Variants in NRXN3 observed in about 807,000 individuals in gnomAD.
NRXN3 encodes the protein neurexin III.
Under a neutral mutation model 137.6 loss-of-function variants are expected in NRXN3, and 32 were observed. The ratio of observed to expected loss-of-function variants is 0.23; its 90% CI spans 0.18 to 0.31. The LOEUF (loss-of-function observed/expected upper bound fraction) is 0.31. Among genes scored for constraint, NRXN3 ranks in the 10% least tolerant of loss-of-function variants. The pLI is 1.00. For missense variants in NRXN3, 1,574 were observed against 2,062.5 expected (o/e 0.76, Z 4.59); for synonymous variants, 798 against 784.5 (o/e 1.02, Z -0.29).
chr14:79,008,722 A>G (rs2099562061), intron 15 of NRXN3, among the ~76,000 whole-genome samples: 1 of 142,240 alleles, frequency 7.0e-6, no homozygotes, highest in Non-Finnish European at 1.5e-5. Flanking sequence ...GAAGTGATGT[A>G]ATCTCAGCTT....
At chr14:78,733,682 G>A (rs1486821990) in intron 8 of NRXN3, among the ~76,000 whole-genome samples, 1 of 152,176 alleles carries the variant, frequency 6.6e-6, no homozygotes, top group Non-Finnish European at 1.5e-5. Context: ...GAGAGTAAGT[G>A]TGCAGGAAAG....
intron 4 of NRXN3, among the ~76,000 whole-genome samples, chr14:78,507,752 T>G (rs903038817): frequency 3.9e-5 from 6 of 152,182 alleles, no homozygotes; most frequent in Non-Finnish European, 5.9e-5. Context: ...GTCTGTCCAC[T>G]GATATATTAA....
chr14:79,314,543 C>G (rs531777053), intron 15 of NRXN3, among the ~76,000 whole-genome samples: 5 of 43,826 alleles, frequency 1.1e-4, no homozygotes, highest in Admixed American at 6.3e-4. Context: ...CCGGGAAGCT[C>G]GAACTGGGTG....
chr14:79,181,437 C>A (rs964524298), intron 15 of NRXN3, among the ~76,000 whole-genome samples: 1 of 152,056 alleles, frequency 6.6e-6, no homozygotes, highest in Non-Finnish European at 1.5e-5. Context: ...AATCCCAGCA[C>A]TTTGGGAGGC....
intron 16 of NRXN3, among the ~76,000 whole-genome samples, chr14:79,647,074 T>C (rs2098456164): frequency 7.4e-6 from 1 of 135,838 alleles, no homozygotes; most frequent in Non-Finnish European, 1.7e-5. Flanking sequence ...TGCTGGTCCT[T>C]TCATCTATGT....
intron 4 of NRXN3, among the ~76,000 whole-genome samples, chr14:78,354,248 C>A (rs1415740026): frequency 6.6e-6 from 1 of 152,188 alleles, no homozygotes; most frequent in African/African-American, 2.4e-5. Flanking sequence ...GGCATAGTAT[C>A]ACATCCATTG....
intron 16 of NRXN3, among the ~76,000 whole-genome samples, chr14:79,567,310 T>A (rs1192990293): frequency 6.6e-6 from 1 of 152,046 alleles, no homozygotes; most frequent in East Asian, 1.9e-4. Flanking sequence ...ACGTATTTTG[T>A]ATTTATGCAA....
intron 15 of NRXN3, among the ~76,000 whole-genome samples, chr14:79,385,210 C>CCCCCCCCCCCCCT (rs374801208): frequency 8.9e-6 from 1 of 112,318 alleles, no homozygotes; most frequent in Non-Finnish European, 1.9e-5. Flanking sequence ...TCCTTCCCCC[C>CCCCCCCCCCCCCT]GCCCCCACCC....
chr14:78,665,177 A>G (rs1201312839), intron 6 of NRXN3, among the ~76,000 whole-genome samples: 1 of 152,228 alleles, frequency 6.6e-6, no homozygotes, highest in Non-Finnish European at 1.5e-5. Flanking sequence ...CATGAAGGAA[A>G]TGAAAGAGAA....
intron 19 of NRXN3, among the ~76,000 whole-genome samples, chr14:79,800,868 C>T (rs1368428794): frequency 2.0e-5 from 3 of 152,206 alleles, no homozygotes; most frequent in South Asian, 2.1e-4. Context: ...TCTTAAGCCG[C>T]TCATATCATC....
At chr14:78,204,398 G>A (rs2061988624) in intron 1 of NRXN3, among the ~76,000 whole-genome samples, 1 of 151,652 alleles carries the variant, frequency 6.6e-6, no homozygotes, top group African/African-American at 2.4e-5. Flanking sequence ...TCCTTTGTCA[G>A]CGTAATGCAG....
intron 10 of NRXN3, among the ~76,000 whole-genome samples, chr14:78,920,143 G>T (rs1216132969): frequency 6.6e-6 from 1 of 152,106 alleles, no homozygotes; most frequent in African/African-American, 2.4e-5. Context: ...GGTGTACCTG[G>T]AGCTCTGTCT....
At chr14:78,449,282 G>C (rs527695844) in intron 4 of NRXN3, among the ~76,000 whole-genome samples, 6 of 152,146 alleles carry the variant, frequency 3.9e-5, no homozygotes, top group African/African-American at 1.4e-4. Context: ...GCGCGATCTT[G>C]GCTCACCGTA....
At chr14:78,929,191 G>A (rs2099314713) in intron 10 of NRXN3, among the ~76,000 whole-genome samples, 1 of 151,994 alleles carries the variant, frequency 6.6e-6, no homozygotes, top group African/African-American at 2.4e-5. Flanking sequence ...TGTAGATTCT[G>A]GATATTAGCC....
chr14:78,845,536 T>A (rs1379192143), intron 10 of NRXN3, among the ~76,000 whole-genome samples: 2 of 152,054 alleles, frequency 1.3e-5, no homozygotes, highest in Non-Finnish European at 2.9e-5. Flanking sequence ...CCCCACTGAC[T>A]TCTGCTCCTC....
intron 16 of NRXN3, among the ~76,000 whole-genome samples, chr14:79,521,382 C>T (rs2097062531): frequency 6.6e-6 from 1 of 152,132 alleles, no homozygotes; most frequent in Non-Finnish European, 1.5e-5. Context: ...CAGAGCTTCT[C>T]ATCCAATATA....
intron 8 of NRXN3, among the ~76,000 whole-genome samples, chr14:78,744,193 G>A (rs1028669209): frequency 4.6e-5 from 7 of 152,170 alleles, no homozygotes; most frequent in African/African-American, 1.7e-4. Context: ...CTAGGCTGGA[G>A]TGCAGTGACG....
chr14:78,630,609 T>TTTTTG (rs907028635), intron 4 of NRXN3, among the ~76,000 whole-genome samples: 7 of 150,538 alleles, frequency 4.6e-5, no homozygotes. Context: ...TTTTTTTTTT[T>TTTTTG]TTTTGTTGTT....
chr14:78,590,015 TGCC>T (rs2097102542), intron 4 of NRXN3, among the ~76,000 whole-genome samples: 1 of 152,156 alleles, frequency 6.6e-6, no homozygotes, highest in South Asian at 2.1e-4. Context: ...TGGCAACTGC[TGCC>T]AAGTGTCTCA....
Sources: gnomAD v4.1 joint callset for allele counts (sites outside exome capture counted in the v4.1 genomes callset) on GRCh38, gnomAD v4.1.1 for gene constraint, MANE v1.5 for transcripts, NCBI Gene and HGNC (gene_info 2026-07-23, HGNC 2026-07-21) for gene names.